Variants in TRHDE observed in about 807,000 individuals in gnomAD.
The protein encoded by TRHDE is thyrotropin-releasing hormone-degrading ectoenzyme.
A neutral mutation model predicts 125.7 loss-of-function variants in TRHDE; 72 were observed. That is an observed-to-expected ratio of 0.57 (90% CI 0.47 to 0.70). The LOEUF is 0.70. TRHDE is among the 30% of genes least tolerant of loss of function. The probability of loss-of-function intolerance (pLI) is 0.00; values close to 1 mark genes in which losing one functional copy is unlikely to be tolerated. For missense variants in TRHDE, 1,110 were observed against 1,327.1 expected (o/e 0.84, Z 2.54); for synonymous variants, 509 against 509.1 (o/e 1.00, Z 0.00).
chr12:72,464,696 T>C (rs1037784032), intron 3 of TRHDE, among the ~76,000 whole-genome samples: 14 of 152,160 alleles, frequency 9.2e-5, no homozygotes, highest in Non-Finnish European at 1.8e-4. Context: ...TATTCTGTTA[T>C]TATAGACACT....
chr12:72,103,064 C>T (rs1875104887), intron 1 of TRHDE, among the ~76,000 whole-genome samples: 1 of 152,222 alleles, frequency 6.6e-6, no homozygotes, highest in African/African-American at 2.4e-5. Context: ...AATCCTACTT[C>T]CTTCTTCCCA....
At chr12:72,448,455 A>T (rs181427225) in intron 3 of TRHDE, among the ~76,000 whole-genome samples, 1 of 152,078 alleles carries the variant, frequency 6.6e-6, no homozygotes, top group African/African-American at 2.4e-5. Context: ...ATAAATAAGC[A>T]TTGGTTTTAT....
intron 6 of TRHDE, among the ~76,000 whole-genome samples, chr12:72,510,253 T>C (rs1486207731): frequency 6.6e-6 from 1 of 152,226 alleles, no homozygotes; most frequent in Non-Finnish European, 1.5e-5. Flanking sequence ...ATGAATATAA[T>C]AGATCACTAT....
chr12:72,539,487 A>G (rs1382636336), intron 6 of TRHDE, among the ~76,000 whole-genome samples: 1 of 151,866 alleles, frequency 6.6e-6, no homozygotes, highest in African/African-American at 2.4e-5. Flanking sequence ...TTTCTCTGTT[A>G]TCCATGTCTT....
chr12:72,349,336 C>A (rs749989688), intron 2 of TRHDE, among the ~76,000 whole-genome samples: 5 of 151,980 alleles, frequency 3.3e-5, no homozygotes, highest in Admixed American at 6.6e-5. Context: ...TAGATGTTCT[C>A]TATGCTTCTG....
At chr12:72,322,426 T>G (rs1869138949) in intron 2 of TRHDE, among the ~76,000 whole-genome samples, 1 of 152,160 alleles carries the variant, frequency 6.6e-6, no homozygotes, top group Non-Finnish European at 1.5e-5. Flanking sequence ...AATAGCGTGT[T>G]AGATAAACTT....
At chr12:72,389,270 T>C (rs1872542304) in intron 3 of TRHDE, among the ~76,000 whole-genome samples, 1 of 152,120 alleles carries the variant, frequency 6.6e-6, no homozygotes, top group Non-Finnish European at 1.5e-5. Context: ...GGAGGAGATC[T>C]GACTTGTGGA....
At chr12:72,460,401 G>A (rs1876071712) in intron 3 of TRHDE, among the ~76,000 whole-genome samples, 1 of 152,124 alleles carries the variant, frequency 6.6e-6, no homozygotes, top group Non-Finnish European at 1.5e-5. Context: ...GCACTGCATT[G>A]TAATTGCCAT....
At chr12:72,514,394 C>G (rs1298358054) in intron 6 of TRHDE, among the ~76,000 whole-genome samples, 3 of 151,482 alleles carry the variant, frequency 2.0e-5, no homozygotes, top group Non-Finnish European at 4.4e-5. Context: ...AAAATGTAAG[C>G]AGACATAAAG....
chr12:72,414,927 T>A (rs1471190936), intron 3 of TRHDE, among the ~76,000 whole-genome samples: 1 of 152,130 alleles, frequency 6.6e-6, no homozygotes, highest in African/African-American at 2.4e-5. Context: ...TTAAATTTTT[T>A]AAATTGTCTA....
At chr12:72,192,989 A>G (rs1034688830) in intron 2 of TRHDE, among the ~76,000 whole-genome samples, 1 of 152,140 alleles carries the variant, frequency 6.6e-6, no homozygotes, top group African/African-American at 2.4e-5. Flanking sequence ...ATAATTGCAC[A>G]TAAAATACTT....
intron 3 of TRHDE, among the ~76,000 whole-genome samples, chr12:72,391,790 T>C (rs1051788836): frequency 6.6e-6 from 1 of 152,126 alleles, no homozygotes; most frequent in African/African-American, 2.4e-5. Context: ...ACTTCTCTAG[T>C]GGACAAAACC....
At chr12:72,232,621 G>A (rs1878268525) in intron 2 of TRHDE, among the ~76,000 whole-genome samples, 1 of 152,048 alleles carries the variant, frequency 6.6e-6, no homozygotes, top group Non-Finnish European at 1.5e-5. Flanking sequence ...GGTCTAGGTG[G>A]TGAGAAATTT....
chr12:72,481,252 C>T (rs1240974590), intron 5 of TRHDE, among the ~76,000 whole-genome samples: 2 of 148,606 alleles, frequency 1.3e-5, no homozygotes, highest in Non-Finnish European at 3.0e-5. Context: ...ATCAAGGTTA[C>T]TTTAATACTG....
At chr12:72,595,011 G>A (rs1389170109) in intron 12 of TRHDE, among the ~76,000 whole-genome samples, 1 of 149,410 alleles carries the variant, frequency 6.7e-6, no homozygotes, top group Non-Finnish European at 1.5e-5. Context: ...ACTATTGCAA[G>A]GACAAAAAAC....
chr12:72,517,991 T>A (rs997940649), intron 6 of TRHDE, among the ~76,000 whole-genome samples: 6 of 150,848 alleles, frequency 4.0e-5, no homozygotes, highest in South Asian at 2.1e-4. Context: ...CTAGTTTGAT[T>A]GCACTGTGGT....
intron 2 of TRHDE, among the ~76,000 whole-genome samples, chr12:72,357,525 G>A (rs555035869): frequency 1.4e-4 from 21 of 151,498 alleles, no homozygotes; most frequent in African/African-American, 5.1e-4. Context: ...TCCATGTTGT[G>A]ACAAATGGCA....
intron 6 of TRHDE, among the ~76,000 whole-genome samples, chr12:72,519,599 G>A (rs905041979): frequency 6.6e-6 from 1 of 152,160 alleles, no homozygotes; most frequent in African/African-American, 2.4e-5. Context: ...ATGTCCTCCA[G>A]TAGCTCGGAG....
chr12:72,281,125 C>T (rs543455562), intron 1 of TRHDE, among the ~76,000 whole-genome samples: 1 of 152,298 alleles, frequency 6.6e-6, no homozygotes, highest in Admixed American at 6.5e-5. Context: ...ATATGCACCA[C>T]TTCCTACATA....
Sources: gnomAD v4.1 joint callset for allele counts (sites outside exome capture counted in the v4.1 genomes callset) on GRCh38, gnomAD v4.1.1 for gene constraint, MANE v1.5 for transcripts, NCBI Gene and HGNC (gene_info 2026-07-23, HGNC 2026-07-21) for gene names.